The following MCF2L variants were observed in gnomAD, a reference collection of about 807,000 sequenced individuals.
The protein encoded by MCF2L is MCF.2 cell line derived transforming sequence like, also known as guanine nucleotide exchange factor DBS.
Under a neutral mutation model 153.4 loss-of-function variants are expected in MCF2L, and 97 were observed. The observed-to-expected ratio is 0.63, with a 90% CI of 0.54 to 0.75. MCF2L has a LOEUF of 0.75. Among genes scored for constraint, MCF2L ranks in the 30% least tolerant of loss-of-function variants. MCF2L has a pLI of 0.00. For synonymous variants in MCF2L, 659 were observed against 632.2 expected (o/e 1.04, Z -0.64); for missense variants, 1,347 against 1,495.2 (o/e 0.90, Z 1.64).
At chr13:112,935,288 G>A (rs909877910) in intron 2 of MCF2L, among the ~76,000 whole-genome samples, 1 of 151,918 alleles carries the variant, frequency 6.6e-6, no homozygotes, top group Non-Finnish European at 1.5e-5. Flanking sequence ...ATGGAGTCTC[G>A]CTCTTGTCAC....
chr13:112,988,498 AG>A (rs2082741522), intron 1 of MCF2L, among the ~76,000 whole-genome samples: 1 of 152,020 alleles, frequency 6.6e-6, no homozygotes, highest in African/African-American at 2.4e-5. Context: ...TGTCCTGAGC[AG>A]GGGATGGAGC....
intron 1 of MCF2L, among the ~76,000 whole-genome samples, chr13:113,007,623 G>A (rs561195890): frequency 9.2e-5 from 14 of 152,248 alleles, no homozygotes; most frequent in Non-Finnish European, 1.9e-4. Flanking sequence ...CACGCAGTGC[G>A]GGGCCGGCTG....
intron 26 of MCF2L, among the ~76,000 whole-genome samples, chr13:113,092,010 G>C (rs983092567): frequency 6.6e-6 from 1 of 152,334 alleles, no homozygotes; most frequent in African/African-American, 2.4e-5. Flanking sequence ...CTGGCCCGGC[G>C]TTACTGACTG....
intron 2 of MCF2L, among the ~76,000 whole-genome samples, chr13:112,913,522 G>T (rs1594315145): frequency 2.0e-5 from 3 of 152,308 alleles, no homozygotes; most frequent in African/African-American, 7.2e-5. Flanking sequence ...AGTTGAGAAT[G>T]AGTTTACTCA....
chr13:113,069,954 GC>G (rs1437871495), intron 8 of MCF2L, 104 bp from the exon 9 acceptor site: 5 of 694,156 alleles, frequency 7.2e-6, no homozygotes, highest in South Asian at 5.0e-5. Flanking sequence ...TCTCAGGAAG[GC>G]CCGGGGTGGA....
intron 2 of MCF2L, chr13:112,909,516 C>T (rs1387235466): frequency 2.0e-6 from 1 of 505,302 alleles, no homozygotes; most frequent in East Asian, 2.9e-5. Context: ...GGTGCGCAGC[C>T]AGCGGGTCTA....
intron 3 of MCF2L, chr13:113,044,259 C>G (rs1245070837): frequency 3.7e-6 from 1 of 266,768 alleles, no homozygotes; most frequent in African/African-American, 2.2e-5. Flanking sequence ...GACAGGGACA[C>G]AGACGCAGCA....
At chr13:112,972,647 T>C (rs2082082257) in intron 1 of MCF2L, among the ~76,000 whole-genome samples, 1 of 142,190 alleles carries the variant, frequency 7.0e-6, no homozygotes, top group South Asian at 2.4e-4. Flanking sequence ...AGTTGGTAGA[T>C]AGATGGATGA....
intron 4 of MCF2L, among the ~76,000 whole-genome samples, chr13:113,050,020 G>A (rs529527367): frequency 6.8e-6 from 1 of 147,392 alleles, no homozygotes; most frequent in African/African-American, 2.5e-5. Flanking sequence ...ACCCACCCAG[G>A]GGGCAGAAAG....
At chr13:113,088,525 C>T (rs747942813) in intron 24 of MCF2L, 37 bp from the exon 25 acceptor site, 21 of 1,610,636 alleles carry the variant, frequency 1.3e-5, no homozygotes, top group Admixed American at 1.2e-4. Context: ...GAAGTAAAGA[C>T]GCTCGTTCAC....
intron 2 of MCF2L, among the ~76,000 whole-genome samples, chr13:112,945,776 T>C (rs2081630789): frequency 1.3e-5 from 2 of 152,166 alleles, no homozygotes; most frequent in African/African-American, 4.8e-5. Context: ...CTTCAGTAAG[T>C]GTGGTTGTCA....
intron 17 of MCF2L, among the ~76,000 whole-genome samples, chr13:113,083,599 C>T (rs1298307627): frequency 6.6e-6 from 1 of 152,212 alleles, no homozygotes; most frequent in Admixed American, 6.5e-5. Flanking sequence ...AGCCTGGGGG[C>T]GGCGCTGCCT....
At chr13:113,023,811 C>T (rs528284126) in intron 2 of MCF2L, among the ~76,000 whole-genome samples, 25 of 152,264 alleles carry the variant, frequency 1.6e-4, no homozygotes, top group African/African-American at 5.3e-4. Flanking sequence ...GCTGCAGTCC[C>T]GCACCTCCAC....
In MCF2L at chr13:113,014,786, G is replaced by C. The variant is rs1479617086; in HGVS notation, c.103G>C (p.Val35Leu). The C allele has an allele frequency of 6.2e-7, 1 of 1,613,902 alleles. No individual in the cohort carries two copies. Among genetic ancestry groups the C allele is most frequent in the South Asian group, 1.1e-5 (1 of 91,082 alleles). The change falls in exon 2 of 30, where the codon GTC becomes CTC. Residue 35 changes from valine to leucine, a missense_variant. Val to Leu is a conservative substitution (Grantham distance 32). Around this residue, in one of 3 missense-constraint regions of MCF2L, gnomAD observed 820 missense variants for 921.2 expected, o/e 0.89. Coordinates refer to ENST00000535094, the MANE Select transcript of MCF2L (RefSeq NM_001112732.3). ...HTDEIMHQDI[V>L]PLCAADIQDQ... ...AGATGAAATCATGCACCAGGACATCGTCCCGCTCTGTGCTGCCGACATCCA... is the reference window on the plus strand; with the variant it reads ...AGATGAAATCATGCACCAGGACATCCTCCCGCTCTGTGCTGCCGACATCCA...
intron 2 of MCF2L, among the ~76,000 whole-genome samples, chr13:112,961,322 G>A (rs2081823031): frequency 6.6e-6 from 1 of 152,268 alleles, no homozygotes; most frequent in Non-Finnish European, 1.5e-5. Flanking sequence ...GATCTTTGCA[G>A]GTATTCACTG....
Position 113,031,676 on chromosome 13 carries a change from C to G in MCF2L, c.278+6918C>G, listed in dbSNP as rs775682219. On this transcript the variant is annotated intron_variant, in intron 3 of 29. Transcript: ENST00000535094. The surrounding 1 kb of genome is among the most constrained non-coding windows in gnomAD (Gnocchi z 5.5). Reference sequence around the variant, plus strand: ...GGAAGCCTGGAGCTTGCTGGAGGAGCAGTGTGGAAGGAATTCACTGAAGCT... The same window carrying G: ...GGAAGCCTGGAGCTTGCTGGAGGAGGAGTGTGGAAGGAATTCACTGAAGCT... 8.6e-5 allele frequency among the ~76,000 whole-genome samples: 13 copies of G among 151,994 alleles called. No individual in the cohort carries two copies. Among genetic ancestry groups the G allele is most frequent in the Admixed American group, 2.0e-4 (3 of 15,270 alleles).
intron 26 of MCF2L, among the ~76,000 whole-genome samples, chr13:113,092,616 A>G (rs2035313036): frequency 2.0e-5 from 3 of 152,220 alleles, no homozygotes; most frequent in African/African-American, 7.2e-5. Flanking sequence ...GCAAAGGCCA[A>G]TGGCTGTTTT....
chr13:112,939,576 G>A (rs2081554801), intron 2 of MCF2L, among the ~76,000 whole-genome samples: 1 of 152,230 alleles, frequency 6.6e-6, no homozygotes, highest in African/African-American at 2.4e-5. Context: ...CTGGCTGTCA[G>A]TCACCTGAAG....
At chr13:113,088,855 G>A (rs956722036) in intron 25 of MCF2L, among the ~76,000 whole-genome samples, 4 of 152,238 alleles carry the variant, frequency 2.6e-5, no homozygotes, top group African/African-American at 9.6e-5. Context: ...GGGGTGGGCT[G>A]TTCCACAGCA....
Sources: gnomAD v4.1 joint callset for allele counts (sites outside exome capture counted in the v4.1 genomes callset) on GRCh38, gnomAD v4.1.1 for gene constraint, gnomAD v4.1.1 regional missense constraint, Gnocchi (gnomAD v3.1) non-coding constraint, MANE v1.5 for transcripts, NCBI Gene and HGNC (gene_info 2026-07-23, HGNC 2026-07-21) for gene names.